POLR1A: variants seen among roughly 807,000 people sequenced by gnomAD.
The protein encoded by POLR1A is DNA-directed RNA polymerase I subunit RPA1.
In POLR1A, 84 loss-of-function variants were observed where a neutral mutation model predicts 205.3. The observed-to-expected ratio is 0.41, with a 90% CI of 0.34 to 0.49. POLR1A has a LOEUF of 0.49. POLR1A is among the 20% of genes least tolerant of loss of function. The pLI is 0.22. For missense variants in POLR1A, 1,645 were observed against 2,204.5 expected, an observed-to-expected ratio of 0.75 and a Z score of 5.08; for synonymous variants, 799 against 863.7, an observed-to-expected ratio of 0.93 and a Z score of 1.31.
At chr2:86,069,501 G>A (rs943037539) in intron 13 of POLR1A, among the ~76,000 whole-genome samples, 2 of 152,188 alleles carry the variant, frequency 1.3e-5, no homozygotes, top group African/African-American at 4.8e-5. Context: ...ACCACAAGGG[G>A]TTGCCCTTGA....
intron 3 of POLR1A, among the ~76,000 whole-genome samples, chr2:86,095,042 C>T (rs1460693469): frequency 6.6e-6 from 1 of 152,222 alleles, no homozygotes; most frequent in South Asian, 2.1e-4. Flanking sequence ...TTACCCTATT[C>T]GAGCTCTGGT....
intron 3 of POLR1A, among the ~76,000 whole-genome samples, chr2:86,094,813 A>G (rs1490808956): frequency 6.6e-6 from 1 of 152,052 alleles, no homozygotes; most frequent in African/African-American, 2.4e-5. Flanking sequence ...CCCGTATGTA[A>G]CCACTCTCCC....
intron 13 of POLR1A, 107 bp downstream of exon 13, chr2:86,069,911 C>A (rs1197223350): frequency 8.0e-7 from 1 of 1,257,656 alleles, no homozygotes; most frequent in Non-Finnish European, 1.1e-6. Flanking sequence ...ATTCCAGGCG[C>A]CCCTGTCCTG....
chr2:86,088,773 C>G lies in POLR1A; in HGVS notation c.626+12G>C, dbSNP rs778766391. 6.9e-5 allele frequency: 111 copies of G among 1,610,226 alleles called. No homozygotes were observed. The highest frequency in any genetic ancestry group is 2.8e-4 in the Admixed American group (17 of 59,982). On this transcript the variant is annotated intron_variant, in intron 5 of 33. Coordinates refer to ENST00000263857, the MANE Select transcript of POLR1A (RefSeq NM_015425.6). The stretch of plus-strand genomic sequence containing the variant: ...GAGACGTCTCACCTGGCGCAAGGGC[C>G]CTGATACTTACTTGCAGTGGGGACA...
In POLR1A at chr2:86,081,909, G is replaced by A. The variant is rs78032828; in HGVS notation, c.818-203C>T. Among the ~76,000 whole-genome samples the A allele has an allele frequency of 0.083, 12,600 of 152,194 alleles. 903 individuals carry two copies. The highest frequency in any genetic ancestry group is 0.23 in the East Asian group (1,179 of 5,182). On this transcript the variant is annotated intron_variant, in intron 7 of 33. Coordinates refer to ENST00000263857, the MANE Select transcript of POLR1A (RefSeq NM_015425.6). ...TGCAGTGGTGCGATCATGACTCACT[G>A]CAGCCTTGATCTCCCAGGCTTAGGC...
chr2:86,052,781 G>A (rs527395070), intron 16 of POLR1A, 36 bp downstream of exon 16: 36 of 1,458,054 alleles, frequency 2.5e-5, no homozygotes, highest in East Asian at 2.1e-4. Context: ...CTGCGCTGAC[G>A]GGTCACTGCC....
At chr2:86,092,720 G>C (rs923862515) in intron 3 of POLR1A, among the ~76,000 whole-genome samples, 6 of 152,182 alleles carry the variant, frequency 3.9e-5, no homozygotes, top group African/African-American at 1.4e-4. Flanking sequence ...AGCTACTTGG[G>C]AAGCTGAGGC....
chr2:86,084,416 C>CA lies in POLR1A; in HGVS notation c.731-1249dup, dbSNP rs112508210. Among the ~76,000 whole-genome samples, 441 of 138,806 alleles carry CA rather than the reference C, an allele frequency of 3.2e-3. 3 individuals are homozygous for CA. Among genetic ancestry groups the CA allele is most frequent in the Admixed American group, 8.2e-3 (113 of 13,794 alleles). The allele number at this position is 138,806 out of a possible 152,430, so 91.1% of individuals were successfully genotyped here. A position where few individuals can be genotyped will look rare whatever the true frequency, so the allele number is the denominator to read the frequency against. On this transcript the variant is annotated intron_variant, in intron 6 of 33. Transcript: ENST00000263857. ...TGGATGACAAAGTGAGACCCTGTCT[C>CA]AAAAAAAAAAACACAAAACAAAACA...
At chr2:86,059,037 T>C (rs901162783) in intron 14 of POLR1A, among the ~76,000 whole-genome samples, 3 of 152,074 alleles carry the variant, frequency 2.0e-5, no homozygotes, top group Non-Finnish European at 4.4e-5. Flanking sequence ...ACAGCACTGT[T>C]TAGAATAGTA....
rs535662832 is a variant in POLR1A, at chr2:86,098,630, A to G, written c.413T>C (p.Leu138Pro). Reference protein sequence around the residue: ...EVGALQAVYELERILNRFLEE... With the variant: ...EVGALQAVYEPERILNRFLEE... ...ACCTACCCTGTTCAGAATTCTCTCA[A>G]GCTCGTAGACTGCTTGTAGGGCCCC... Residue 138 changes from leucine to proline, a missense_variant, in exon 3 of 34, where the codon CTT becomes CCT. Leu to Pro is a moderately conservative substitution (Grantham distance 98, BLOSUM62 -3). Transcript: ENST00000263857. 1.9e-6 allele frequency: 3 copies of G among 1,613,322 alleles called. No homozygotes were observed. Among genetic ancestry groups the G allele is most frequent in the Non-Finnish European group, 2.5e-6 (3 of 1,179,820 alleles).
chr2:86,056,750 C>G (rs1047909253), intron 14 of POLR1A, among the ~76,000 whole-genome samples: 2 of 152,138 alleles, frequency 1.3e-5, no homozygotes, highest in Non-Finnish European at 2.9e-5. Context: ...ATCGACTCTG[C>G]CTGTGCCTAT....
At position 86,040,319 on chromosome 2, in the gene POLR1A, C is replaced by A. The variant is rs1053166440; in HGVS notation, c.3740+73G>T. ...CTCATTCACACACACTCACTCACCC[C>A]CTCTCATTAAATGGCCCCTTCTCCA... On this transcript the variant is annotated intron_variant, in intron 25 of 33. Coordinates refer to ENST00000263857, the MANE Select transcript of POLR1A (RefSeq NM_015425.6). 1.0e-5 allele frequency: 12 copies of A among 1,197,768 alleles called. No homozygotes were observed. In the African/African-American group the frequency reaches 1.5e-4, roughly 15 times the overall value. The allele number at this position is 1,197,768 out of a possible 1,614,324, so 74.2% of individuals were successfully genotyped here.
intron 14 of POLR1A, among the ~76,000 whole-genome samples, chr2:86,063,983 A>G (rs1429384691): frequency 6.6e-6 from 1 of 152,246 alleles, no homozygotes; most frequent in Non-Finnish European, 1.5e-5. Context: ...ATTTAGAAGT[A>G]CAAATATTGA....
intron 11 of POLR1A, among the ~76,000 whole-genome samples, chr2:86,077,122 G>C (rs957367871): frequency 6.6e-6 from 1 of 152,174 alleles, no homozygotes; most frequent in Non-Finnish European, 1.5e-5. Flanking sequence ...AGGGGTGGAG[G>C]GGGTGGCGTG....
chr2:86,033,838 C>A (rs1200586332), intron 27 of POLR1A, 51 bp from the exon 28 acceptor site: 1 of 1,602,392 alleles, frequency 6.2e-7, no homozygotes, highest in African/African-American at 1.3e-5. Context: ...GCATGTCCAG[C>A]CCTACCCTCA....
chr2:86,057,837 T>C (rs1672923118), intron 14 of POLR1A, among the ~76,000 whole-genome samples: 2 of 152,200 alleles, frequency 1.3e-5, no homozygotes, highest in South Asian at 4.1e-4. Context: ...GTACATGTCA[T>C]CTTTTTGGAG....
At chr2:86,038,564 C>T in intron 27 of POLR1A, 136 bp downstream of exon 27, 1 of 804,496 alleles carries the variant, frequency 1.2e-6, no homozygotes, top group East Asian at 2.6e-5. Context: ...CCTCTGCTTC[C>T]TAAACACTTC....
chr2:86,103,619 G>C (rs1358157369), intron 1 of POLR1A, among the ~76,000 whole-genome samples: 1 of 152,160 alleles, frequency 6.6e-6, no homozygotes. Context: ...GATATAATTG[G>C]AATTTCTGGG....
At chr2:86,073,213 TA>T (rs10712423) in intron 12 of POLR1A, among the ~76,000 whole-genome samples, 145,148 of 146,930 alleles carry the variant, frequency 0.99, 71,692 homozygotes, top group Middle Eastern at 1. Flanking sequence ...AAAAATAAAA[TA>T]AAAAAAAAAA....
Sources: allele counts gnomAD v4.1 joint callset (sites outside exome capture counted in the v4.1 genomes callset), GRCh38; gene constraint gnomAD v4.1.1; transcripts MANE v1.5; gene names NCBI Gene and HGNC (gene_info 2026-07-23, HGNC 2026-07-21).